The following MIB1 variants were observed in gnomAD, a reference collection of about 807,000 sequenced individuals.
MIB1 encodes the protein E3 ubiquitin-protein ligase MIB1.
In MIB1, 278 loss-of-function variants were observed where a neutral mutation model predicts 124.5. The ratio of observed to expected loss-of-function variants is 2.23; its 90% CI spans 2.02 to 2.47. MIB1 has a LOEUF of 2.47. Ranked by LOEUF, MIB1 falls within the 30% of genes most tolerant of loss-of-function variation. MIB1 has a pLI of 0.00. For synonymous variants in MIB1, 446 were observed against 429.4 expected, an observed-to-expected ratio of 1.04 and a Z score of -0.48; for missense variants, 957 against 1,254.4, an observed-to-expected ratio of 0.76 and a Z score of 3.58.
chr18:21,791,982 G>T (rs1418812376), intron 7 of MIB1, among the ~76,000 whole-genome samples: 1 of 152,122 alleles, frequency 6.6e-6, no homozygotes, highest in East Asian at 1.9e-4. Context: ...GAGTGAATTT[G>T]TTCCCAAAGA....
chr18:21,780,367 C>A (rs914302312), intron 6 of MIB1, among the ~76,000 whole-genome samples: 1 of 152,136 alleles, frequency 6.6e-6, no homozygotes, highest in African/African-American at 2.4e-5. Context: ...TACGCATTTA[C>A]CATCTCACTC....
intron 10 of MIB1, among the ~76,000 whole-genome samples, chr18:21,806,547 A>T (rs1426989817): frequency 6.6e-6 from 1 of 152,028 alleles, no homozygotes; most frequent in Non-Finnish European, 1.5e-5. Flanking sequence ...ACAGTTAGTT[A>T]ATACTATAAA....
chr18:21,856,934 C>G (rs972409317), intron 18 of MIB1, among the ~76,000 whole-genome samples, 196 bp from the exon 19 acceptor site: 6 of 152,128 alleles, frequency 3.9e-5, no homozygotes, highest in African/African-American at 1.2e-4. Flanking sequence ...ATGATGGGCT[C>G]TCTATTCTGG....
In MIB1 at chr18:21,868,222, C is replaced by G. The variant is rs2042333948; in HGVS notation, c.*3556C>G. ...TTTACACTGTTGTGAAGCAGATCTC[C>G]AGAACTTTTTCATCTTGCAAAACTG... On this transcript the variant is annotated 3_prime_UTR_variant, in exon 21 of 21. Coordinates refer to ENST00000261537, the MANE Select transcript of MIB1 (RefSeq NM_020774.4). 1 of 151,988 alleles carries G rather than the reference C, an allele frequency of 6.6e-6. No individual in the cohort carries two copies. The highest frequency in any genetic ancestry group is 1.5e-5 in the Non-Finnish European group (1 of 67,892). 9.4% of individuals were successfully genotyped at this position (151,988 alleles called of 1,614,324 possible).
intron 12 of MIB1, among the ~76,000 whole-genome samples, chr18:21,830,045 GAA>G (rs1227718938): frequency 1.3e-5 from 2 of 151,578 alleles, no homozygotes; most frequent in Non-Finnish European, 2.9e-5. Flanking sequence ...GTCAAAGGAG[GAA>G]AAAAAAGGGC....
chr18:21,819,218 T>C (rs1348955628), intron 11 of MIB1, among the ~76,000 whole-genome samples: 2 of 152,102 alleles, frequency 1.3e-5, no homozygotes, highest in Non-Finnish European at 2.9e-5. Flanking sequence ...TTAAAATTTT[T>C]TGTAGGGACA....
chr18:21,826,535 C>G (rs2041925774), intron 12 of MIB1: 1 of 152,050 alleles, frequency 6.6e-6, no homozygotes, highest in Admixed American at 6.6e-5. Flanking sequence ...CAAGTTACTT[C>G]TCATTATCGC....
chr18:21,853,072 T>C lies in MIB1; in HGVS notation c.2587-68T>C, dbSNP rs116304397. 3,363 of 1,020,058 alleles carry C rather than the reference T, an allele frequency of 3.3e-3. 73 individuals are homozygous for C. In the African/African-American group the frequency reaches 0.047, roughly 14 times the overall value. 63.2% of individuals were successfully genotyped at this position (1,020,058 alleles called of 1,614,324 possible). A position where few individuals can be genotyped will look rare whatever the true frequency, so the allele number is the denominator to read the frequency against. On this transcript the variant is annotated intron_variant, in intron 17 of 20. Coordinates refer to ENST00000261537, the MANE Select transcript of MIB1 (RefSeq NM_020774.4). ...ACAGAGGAAATACATTTGGATATAA[T>C]TGAACTTGTTAAGAGTTACTAGATT...
intron 6 of MIB1, among the ~76,000 whole-genome samples, chr18:21,786,468 T>G (rs923339163): frequency 6.6e-6 from 1 of 152,194 alleles, no homozygotes; most frequent in Admixed American, 6.5e-5. Flanking sequence ...ATTTATTTTT[T>G]TATAGTTTTT....
chr18:21,831,853 T>C (rs1350152582), intron 12 of MIB1, among the ~76,000 whole-genome samples: 3 of 152,206 alleles, frequency 2.0e-5, no homozygotes, highest in African/African-American at 7.2e-5. Flanking sequence ...TAGACAGTTA[T>C]GGAACAAGTG....
intron 18 of MIB1, among the ~76,000 whole-genome samples, chr18:21,854,240 A>AT (rs1467420400): frequency 6.6e-6 from 1 of 152,196 alleles, no homozygotes; most frequent in Admixed American, 6.5e-5. Flanking sequence ...GTTGGCAGAC[A>AT]TTTTTTGTAA....
chr18:21,741,481 G>T lies in MIB1; in HGVS notation c.-103G>T. ...TCCCCCGGGGCTCGCTGCCGCCCCCGCCGACGCCTAGAGTCCGGCCCGGGC... is the reference window on the plus strand; with the variant it reads ...TCCCCCGGGGCTCGCTGCCGCCCCCTCCGACGCCTAGAGTCCGGCCCGGGC... On this transcript the variant is annotated 5_prime_UTR_variant, in exon 1 of 21. Transcript: ENST00000261537. The surrounding 1 kb of genome is among the most constrained non-coding windows in gnomAD (Gnocchi z 5.4). 11 of 561,890 alleles carry T rather than the reference G, an allele frequency of 2.0e-5. 1 individual carries two copies. The highest frequency in any genetic ancestry group is 2.6e-5 in the Non-Finnish European group (11 of 419,140). 34.8% of individuals were successfully genotyped at this position (561,890 alleles called of 1,614,324 possible). A position where few individuals can be genotyped will look rare whatever the true frequency, so the allele number is the denominator to read the frequency against.
chr18:21,852,214 T>C (rs1231818295), intron 17 of MIB1, among the ~76,000 whole-genome samples: 1 of 152,252 alleles, frequency 6.6e-6, no homozygotes. Flanking sequence ...TGATCAACTA[T>C]GTCTTACTGC....
intron 1 of MIB1, among the ~76,000 whole-genome samples, chr18:21,760,596 T>C (rs1399580159): frequency 6.6e-6 from 1 of 152,168 alleles, no homozygotes; most frequent in Non-Finnish European, 1.5e-5. Context: ...AACCATGAAT[T>C]ATAGAATTTT....
At chr18:21,844,888 T>C (rs2042122372) in intron 15 of MIB1, among the ~76,000 whole-genome samples, 1 of 152,252 alleles carries the variant, frequency 6.6e-6, no homozygotes, top group Non-Finnish European at 1.5e-5. Context: ...CTTTTGTTCA[T>C]TATTTTGTTA....
intron 1 of MIB1, among the ~76,000 whole-genome samples, chr18:21,718,356 A>G (rs545504365): frequency 6.6e-6 from 1 of 152,290 alleles, no homozygotes; most frequent in East Asian, 1.9e-4. Context: ...TACTAATGTA[A>G]CCAAACACCA....
chr18:21,846,813 G>A, intron 15 of MIB1, 131 bp from the exon 16 acceptor site: 3 of 790,268 alleles, frequency 3.8e-6, no homozygotes, highest in Non-Finnish European at 6.1e-6. Context: ...AAAACCAGGG[G>A]TAGAGTGGTG....
chr18:21,774,872 G>A (rs975396609), intron 4 of MIB1, among the ~76,000 whole-genome samples: 2 of 150,428 alleles, frequency 1.3e-5, no homozygotes, highest in South Asian at 2.1e-4. Flanking sequence ...GAATGCAGTG[G>A]CCTGAATGAA....
intron 10 of MIB1, among the ~76,000 whole-genome samples, chr18:21,811,173 C>T (rs1391660515): frequency 1.3e-5 from 2 of 152,106 alleles, no homozygotes; most frequent in Non-Finnish European, 1.5e-5. Flanking sequence ...CAGTGAGATA[C>T]TGCCTTACAG....
Sources: gnomAD v4.1 joint callset for allele counts (sites outside exome capture counted in the v4.1 genomes callset) on GRCh38, gnomAD v4.1.1 for gene constraint, Gnocchi (gnomAD v3.1) non-coding constraint, MANE v1.5 for transcripts, NCBI Gene and HGNC (gene_info 2026-07-23, HGNC 2026-07-21) for gene names.